Variants in OR9Q1 observed in about 807,000 individuals in gnomAD.
The protein encoded by OR9Q1 is olfactory receptor 9Q1.
For missense variants in OR9Q1, 374 were observed against 378.8 expected, an observed-to-expected ratio of 0.99 and a Z score of 0.11; for synonymous variants, 153 against 148.6, an observed-to-expected ratio of 1.03 and a Z score of -0.22.
chr11:58,096,106 CTCTT>C (rs1853728503), intron 2 of OR9Q1, among the ~76,000 whole-genome samples: 1 of 151,402 alleles, frequency 6.6e-6, no homozygotes, highest in Admixed American at 6.6e-5. Context: ...TTCCCTCCCT[CTCTT>C]TCTTTCTCCC....
intron 2 of OR9Q1, among the ~76,000 whole-genome samples, chr11:58,178,988 TAGAG>T (rs150590790): frequency 3.1e-4 from 34 of 110,232 alleles, no homozygotes; most frequent in Middle Eastern, 4.3e-3. Flanking sequence ...TTATATATTA[TAGAG>T]AGAGAGAGAG....
At chr11:58,087,682 A>G (rs1008056541) in intron 2 of OR9Q1, among the ~76,000 whole-genome samples, 1 of 151,882 alleles carries the variant, frequency 6.6e-6, no homozygotes, top group Non-Finnish European at 1.5e-5. Flanking sequence ...CCCAGCATGC[A>G]TTAGCTATTT....
chr11:58,176,443 G>C (rs1854607880), intron 2 of OR9Q1, among the ~76,000 whole-genome samples: 1 of 152,178 alleles, frequency 6.6e-6, no homozygotes, highest in African/African-American at 2.4e-5. Context: ...GGAGACCTCA[G>C]AGCTTTTGTA....
At chr11:58,037,690 T>TATATATATATAG (rs1232679301) in intron 1 of OR9Q1, among the ~76,000 whole-genome samples, 255 of 9,282 alleles carry the variant, frequency 0.027, 3 homozygotes, top group South Asian at 0.035. Flanking sequence ...TATATATATA[T>TATATATATATAG]TTTTTTTTTT....
chr11:58,028,658 A>C (rs1168381811), intron 1 of OR9Q1, among the ~76,000 whole-genome samples: 1 of 152,156 alleles, frequency 6.6e-6, no homozygotes, highest in Non-Finnish European at 1.5e-5. Flanking sequence ...TGCAAACGAG[A>C]TAAATGGGTG....
chr11:58,169,608 C>A (rs866251659), intron 2 of OR9Q1, among the ~76,000 whole-genome samples: 29 of 152,130 alleles, frequency 1.9e-4, no homozygotes, highest in Middle Eastern at 3.4e-3. Context: ...TAAAATGAAC[C>A]TTTTCCAAAC....
At chr11:58,160,652 G>C (rs1385069157) in intron 2 of OR9Q1, among the ~76,000 whole-genome samples, 3 of 152,062 alleles carry the variant, frequency 2.0e-5, no homozygotes, top group Non-Finnish European at 4.4e-5. Flanking sequence ...TCTTGTTTTT[G>C]GTAGAGATGG....
intron 2 of OR9Q1, among the ~76,000 whole-genome samples, chr11:58,136,501 C>T (rs571398917): frequency 3.7e-4 from 57 of 152,294 alleles, no homozygotes; most frequent in Non-Finnish European, 6.9e-4. Flanking sequence ...CATGGTTCCT[C>T]TCCCTGCCTG....
At position 58,179,915 on chromosome 11, in the gene OR9Q1, G is replaced by A; in HGVS notation, c.471G>A (p.Leu157=). 5.0e-6 allele frequency: 8 copies of A among 1,614,120 alleles called. No homozygotes were observed. Among genetic ancestry groups the A allele is most frequent in the Non-Finnish European group, 6.8e-6 (8 of 1,180,018 alleles). Residue 157 remains leucine, a synonymous_variant, in exon 3 of 3, where the codon TTG becomes TTA. Transcript: ENST00000335397. ...GAYVAGLISA[L]VRTVSAFTLS... ...ACGTTGCTGGTCTCATCAGTGCCTT[G>A]GTGCGGACAGTCTCAGCCTTCACTC...
intron 2 of OR9Q1, among the ~76,000 whole-genome samples, chr11:58,170,510 A>C (rs1362610984): frequency 2.6e-5 from 4 of 152,172 alleles, no homozygotes; most frequent in African/African-American, 4.8e-5. Flanking sequence ...TTGCTGTCAA[A>C]ATGATCATTT....
chr11:58,071,052 C>T (rs1853482483), intron 2 of OR9Q1, among the ~76,000 whole-genome samples: 1 of 152,186 alleles, frequency 6.6e-6, no homozygotes, highest in African/African-American at 2.4e-5. Context: ...GAGAAGTGAA[C>T]TTCTTTTATT....
chr11:58,026,810 T>G (rs1427268310), intron 1 of OR9Q1: 1 of 151,710 alleles, frequency 6.6e-6, no homozygotes, highest in Non-Finnish European at 1.5e-5. Context: ...CCGAAGTGAG[T>G]ACTATCTTAA....
At position 58,033,566 on chromosome 11, in the gene OR9Q1, AC is replaced by A. The variant is rs1375063830; in HGVS notation, c.-93+9463del. ...GGAGCTAAATCTTGGGTACACATGA[AC>A]ATAAAGATGGGAATAAGAGATACTG... On this transcript the variant is annotated intron_variant, in intron 1 of 2. Coordinates refer to ENST00000335397, the MANE Select transcript of OR9Q1 (RefSeq NM_001005212.4). Among the ~76,000 whole-genome samples the A allele has an allele frequency of 5.3e-5, 8 of 152,294 alleles. No individual in the cohort carries two copies. In the East Asian group the frequency reaches 1.4e-3, roughly 26 times the overall value.
chr11:58,131,399 T>G (rs1171434018), intron 2 of OR9Q1, among the ~76,000 whole-genome samples: 1 of 152,150 alleles, frequency 6.6e-6, no homozygotes, highest in Non-Finnish European at 1.5e-5. Flanking sequence ...CCATCACATG[T>G]AAGGATAAGA....
At chr11:58,118,674 G>T in intron 2 of OR9Q1, 1 of 1,613,998 alleles carries the variant, frequency 6.2e-7, no homozygotes, top group Non-Finnish European at 8.5e-7. Context: ...GCAGATACAT[G>T]AAGATAAGGG....
chr11:58,117,954 G>C (rs953634233), intron 2 of OR9Q1: 4 of 152,482 alleles, frequency 2.6e-5, no homozygotes, highest in African/African-American at 9.6e-5. Flanking sequence ...CTTCTGAAGA[G>C]AGAAGTTCAT....
At chr11:58,135,073 C>T (rs1280068165) in intron 2 of OR9Q1, among the ~76,000 whole-genome samples, 9 of 152,114 alleles carry the variant, frequency 5.9e-5, no homozygotes, top group Non-Finnish European at 1.3e-4. Context: ...ATGTCATACC[C>T]ATCTTATATA....
chr11:58,039,945 C>A (rs1470447427), intron 1 of OR9Q1, among the ~76,000 whole-genome samples: 1 of 152,212 alleles, frequency 6.6e-6, no homozygotes, highest in Non-Finnish European at 1.5e-5. Context: ...GTGCCAGGTA[C>A]TTTCCTAAAT....
intron 1 of OR9Q1, chr11:58,031,264 G>T (rs1018961305): frequency 3.1e-6 from 5 of 1,614,056 alleles, no homozygotes; most frequent in Non-Finnish European, 4.2e-6. Flanking sequence ...GCCTATCCCA[G>T]CTCTTCATCT....
Sources: gnomAD v4.1 joint callset for allele counts (sites outside exome capture counted in the v4.1 genomes callset) on GRCh38, gnomAD v4.1.1 for gene constraint, MANE v1.5 for transcripts, NCBI Gene and HGNC (gene_info 2026-07-23, HGNC 2026-07-21) for gene names.